The following SCAND3 variants were observed in gnomAD, a reference collection of about 807,000 sequenced individuals.
The protein encoded by SCAND3 is SCAN domain-containing protein 3.
the SCAND3 span, chr6:28,570,911 A>G: frequency 6.6e-6 from 1 of 152,182 alleles, no homozygotes; most frequent in Non-Finnish European, 1.5e-5. Flanking sequence ...AGGTGCCAAT[A>G]ATTTCTGACT....
At chr6:28,612,655 C>T in the SCAND3 span, among the ~76,000 whole-genome samples, 5 of 152,148 alleles carry the variant, frequency 3.3e-5, no homozygotes, top group Admixed American at 1.3e-4. Context: ...CGAATCAAAA[C>T]GGTATCTACA....
At chr6:28,583,863 A>T in the SCAND3 span, among the ~76,000 whole-genome samples, 1 of 152,204 alleles carries the variant, frequency 6.6e-6, no homozygotes, top group African/African-American at 2.4e-5. Flanking sequence ...TTCTGTAGAA[A>T]GATCCTGTGT....
the SCAND3 span, among the ~76,000 whole-genome samples, chr6:28,582,475 G>T: frequency 6.6e-6 from 1 of 152,068 alleles, no homozygotes; most frequent in Non-Finnish European, 1.5e-5. This position sits in a 1 kb window ranked among gnomAD's most constrained non-coding sequence, Gnocchi z 4.8. Flanking sequence ...GCTTATATAG[G>T]CATTTGTGCT....
the SCAND3 span, among the ~76,000 whole-genome samples, chr6:28,581,026 G>A: frequency 2.6e-5 from 4 of 151,980 alleles, no homozygotes; most frequent in Non-Finnish European, 5.9e-5. Context: ...TTCAATTCCT[G>A]GGTTTGATTT....
chr6:28,598,425 G>T, the SCAND3 span, among the ~76,000 whole-genome samples: 1 of 151,724 alleles, frequency 6.6e-6, no homozygotes, highest in Non-Finnish European at 1.5e-5. Context: ...TTCTCTTTAG[G>T]CAGAAGGGAC....
At chr6:28,589,852 G>GTTTTTTTTTTTTTTTT in the SCAND3 span, 1 of 117,668 alleles carries the variant, frequency 8.5e-6, no homozygotes, top group Non-Finnish European at 1.7e-5. Context: ...TTGTTTTTTT[G>GTTTTTTTTTTTTTTTT]TTTGTTTTTT....
chr6:28,599,774 C>T, the SCAND3 span, among the ~76,000 whole-genome samples: 1 of 152,082 alleles, frequency 6.6e-6, no homozygotes, highest in Non-Finnish European at 1.5e-5. Flanking sequence ...TAGACTAATA[C>T]AGTTGTCAAA....
the SCAND3 span, chr6:28,588,105 C>G: frequency 6.6e-6 from 1 of 152,204 alleles, no homozygotes; most frequent in African/African-American, 2.4e-5. This position sits in a 1 kb window ranked among gnomAD's most constrained non-coding sequence, Gnocchi z 4.1. Flanking sequence ...ATCAGAACAT[C>G]TCTTTTAGAA....
chr6:28,586,578 G>A, the SCAND3 span: 3 of 1,614,210 alleles, frequency 1.9e-6, no homozygotes, highest in Admixed American at 3.3e-5. The surrounding 1 kb of genome is among the most constrained non-coding windows in gnomAD (Gnocchi z 4.4). Context: ...GAGTTCCCTG[G>A]TATAAGACAA....
At chr6:28,610,921 A>G in the SCAND3 span, among the ~76,000 whole-genome samples, 56 of 152,314 alleles carry the variant, frequency 3.7e-4, 1 homozygote, top group East Asian at 0.011. Flanking sequence ...AAAATACTGC[A>G]TTCCCTTAGT....
chr6:28,589,378 T>A, the SCAND3 span: 1 of 152,158 alleles, frequency 6.6e-6, no homozygotes, highest in Non-Finnish European at 1.5e-5. Context: ...CCCTTGTGGT[T>A]GGTCCCATGG....
At chr6:28,594,808 A>G in the SCAND3 span, among the ~76,000 whole-genome samples, 1 of 152,158 alleles carries the variant, frequency 6.6e-6, no homozygotes, top group Non-Finnish European at 1.5e-5. Flanking sequence ...GATCTCACTT[A>G]TATGTGGAAT....
the SCAND3 span, among the ~76,000 whole-genome samples, chr6:28,600,668 T>A: frequency 2.6e-5 from 4 of 151,908 alleles, no homozygotes; most frequent in Non-Finnish European, 5.9e-5. Context: ...TTTTAAGAAA[T>A]TTATCACCCA....
chr6:28,595,330 C>CAAA, the SCAND3 span, among the ~76,000 whole-genome samples: 10,524 of 36,502 alleles, frequency 0.29, 2,598 homozygotes, highest in African/African-American at 0.5. Context: ...AACCCAGTCT[C>CAAA]AAAAAAAAAA....
At chr6:28,586,541 G>A in the SCAND3 span, 1 of 1,614,250 alleles carries the variant, frequency 6.2e-7, no homozygotes, top group Non-Finnish European at 8.5e-7. This position sits in a 1 kb window ranked among gnomAD's most constrained non-coding sequence, Gnocchi z 4.4. Flanking sequence ...TCTCCTGATA[G>A]CAGAACTGCC....
the SCAND3 span, chr6:28,573,024 A>C: frequency 6.2e-7 from 1 of 1,613,106 alleles, no homozygotes; most frequent in Non-Finnish European, 8.5e-7. Context: ...CACATTTGTT[A>C]ACAATATAAT....
the SCAND3 span, chr6:28,586,422 T>C: frequency 1.9e-6 from 3 of 1,614,224 alleles, no homozygotes; most frequent in Non-Finnish European, 1.7e-6. The surrounding 1 kb of genome is among the most constrained non-coding windows in gnomAD (Gnocchi z 4.4). Context: ...GGTCAGGAAC[T>C]GCTCCAGCAC....
At chr6:28,612,669 C>T in the SCAND3 span, among the ~76,000 whole-genome samples, 1 of 152,280 alleles carries the variant, frequency 6.6e-6, no homozygotes, top group East Asian at 1.9e-4. Context: ...ATCTACAATG[C>T]ATTTTGTGCA....
chr6:28,573,528 T>C, the SCAND3 span: 1 of 1,613,610 alleles, frequency 6.2e-7, no homozygotes, highest in African/African-American at 1.3e-5. Context: ...GTTGTGAACT[T>C]ATTTCTTTAT....
Sources: gnomAD v4.1 joint callset for allele counts (sites outside exome capture counted in the v4.1 genomes callset) on GRCh38, gnomAD v4.1.1 for gene constraint, Gnocchi (gnomAD v3.1) non-coding constraint, MANE v1.5 for transcripts, NCBI Gene and HGNC (gene_info 2026-07-23, HGNC 2026-07-21) for gene names.